MYH9: variants seen among roughly 807,000 people sequenced by gnomAD.
The protein encoded by MYH9 is myosin heavy chain 9, also known as myosin-9.
A neutral mutation model predicts 241.9 loss-of-function variants in MYH9; 29 were observed. The ratio of observed to expected loss-of-function variants is 0.12; its 90% CI spans 0.09 to 0.16. The LOEUF (loss-of-function observed/expected upper bound fraction) is 0.16. MYH9 is among the 10% of genes least tolerant of loss of function. The probability of loss-of-function intolerance (pLI) is 1.00; values close to 1 mark genes in which losing one functional copy is unlikely to be tolerated. For missense variants in MYH9, 1,803 were observed against 2,595.5 expected (o/e 0.69, Z 6.63); for synonymous variants, 1,047 against 1,062.6 (o/e 0.99, Z 0.29).
In MYH9 at chr22:36,282,795, G is replaced by A. The variant is rs727503282; in HGVS notation, c.5766-10C>T. ...CGGCAGGTCCCCGCGCCTGGGGGCA[G>A]AGGTAGAAGCAGAGGGTCAGCGGGC... On this transcript the variant is annotated splice_polypyrimidine_tract_variant and intron_variant, in intron 40 of 40. Transcript: ENST00000216181. The A allele has an allele frequency of 2.5e-6, 4 of 1,606,150 alleles. No homozygotes were observed. The highest frequency in any genetic ancestry group is 3.4e-6 in the Non-Finnish European group (4 of 1,178,662).
Position 36,316,539 on chromosome 22 carries a change from A to G in MYH9, c.1358T>C (p.Ile453Thr), listed in dbSNP as rs756091700. 6 of 1,614,116 alleles carry G rather than the reference A, an allele frequency of 3.7e-6. No individual in the cohort carries two copies. The highest frequency in any genetic ancestry group is 2.5e-6 in the Non-Finnish European group (3 of 1,180,004). ...QGASFIGILD[I>T]AGFEIFDLNS... ...CACATCAAAGATCTCGAAGCCGGCA[A>G]TGTCCAGGATCCCGATGAAGGAGGC... The change falls in exon 12 of 41, where the codon ATT becomes ACT. Residue 453 changes from isoleucine (I) to threonine (T), a missense_variant. Physicochemically the swap from Ile to Thr is moderately conservative, Grantham distance 89. This residue lies in a region of MYH9 where 222 missense variants were observed against 359.9 expected (regional missense o/e 0.62). Transcript: ENST00000216181.
intron 3 of MYH9, among the ~76,000 whole-genome samples, chr22:36,332,661 T>TA (rs67602880): frequency 0.36 from 16,195 of 44,604 alleles, 4,510 homozygotes; most frequent in Non-Finnish European, 0.46. Flanking sequence ...TCTGGATAAT[T>TA]AAAAAAAAAA....
At chr22:36,353,709 A>G (rs943102579) in intron 1 of MYH9, among the ~76,000 whole-genome samples, 9 of 152,100 alleles carry the variant, frequency 5.9e-5, no homozygotes, top group African/African-American at 2.2e-4. Context: ...AAGAAAAATA[A>G]TCCCCTAAAT....
At chr22:36,346,302 A>G (rs1448571862) in intron 2 of MYH9, among the ~76,000 whole-genome samples, 1 of 152,260 alleles carries the variant, frequency 6.6e-6, no homozygotes, top group African/African-American at 2.4e-5. Flanking sequence ...CTGATTTAGC[A>G]ATCAACAAGG....
Position 36,300,561 on chromosome 22 carries a change from C to T in MYH9, c.2838+290G>A, listed in dbSNP as rs371637945. ...GCTCCCACCCATGAAACAGGCAGGA[C>T]GCAGAGGTGCTGGCCCTGTGCCCCT... is the stretch of plus-strand genomic sequence containing the variant. On this transcript the variant is annotated intron_variant, in intron 22 of 40. Coordinates refer to ENST00000216181, the MANE Select transcript of MYH9 (RefSeq NM_002473.6). This position sits in a 1 kb window ranked among gnomAD's most constrained non-coding sequence, Gnocchi z 5.0. 2.6e-4 allele frequency among the ~76,000 whole-genome samples: 39 copies of T among 152,364 alleles called. No individual in the cohort carries two copies. In the East Asian group the frequency reaches 5.6e-3, roughly 22 times the overall value.
chr22:36,287,399 T>G (rs1487357444), intron 34 of MYH9, among the ~76,000 whole-genome samples: 1 of 152,026 alleles, frequency 6.6e-6, no homozygotes, highest in Non-Finnish European at 1.5e-5. Flanking sequence ...GCCCACAACC[T>G]TGACCACAAT....
chr22:36,287,977 G>C (rs763153399), intron 34 of MYH9, among the ~76,000 whole-genome samples: 2 of 152,208 alleles, frequency 1.3e-5, no homozygotes, highest in African/African-American at 4.8e-5. Context: ...AGACCTTCTT[G>C]AACTCCACCC....
At position 36,281,552 on chromosome 22, in the gene MYH9, T is replaced by C. The variant is rs1027995666; in HGVS notation, c.*1116A>G. On this transcript the variant is annotated 3_prime_UTR_variant, in exon 41 of 41. Coordinates refer to ENST00000216181, the MANE Select transcript of MYH9 (RefSeq NM_002473.6). ...TTGCCGTAAGTCTCAATGCAGCATA[T>C]ACAAAACAGTTAGGAATACAAGTAA... 4.8e-5 allele frequency: 11 copies of C among 228,320 alleles called. No homozygotes were observed. Among genetic ancestry groups the C allele is most frequent in the African/African-American group, 2.4e-4 (11 of 44,970 alleles). The allele number at this position is 228,320 out of a possible 1,614,324, so 14.1% of individuals were successfully genotyped here. A position where few individuals can be genotyped will look rare whatever the true frequency, so the allele number is the denominator to read the frequency against.
intron 15 of MYH9, among the ~76,000 whole-genome samples, chr22:36,308,475 T>C (rs1329592977): frequency 2.6e-5 from 4 of 151,422 alleles, no homozygotes; most frequent in African/African-American, 4.9e-5. Context: ...GGTCTCCCTA[T>C]GTTGCCCAGA....
In MYH9 at chr22:36,282,781, C is replaced by T. The variant is rs371476289; in HGVS notation, c.5770G>A (p.Gly1924Arg). The change falls in exon 41 of 41, where the codon GGG becomes AGG. Residue 1924 changes from glycine (G) to arginine (R), a missense_variant. Coordinates refer to ENST00000216181, the MANE Select transcript of MYH9 (RefSeq NM_002473.6). ...VSSLKNKLRR[G>R]DLPFVVPRRM... ...CGGGGCACGACAAACGGCAGGTCCC[C>T]GCGCCTGGGGGCAGAGGTAGAAGCA... 20 of 1,609,628 alleles carry T rather than the reference C, an allele frequency of 1.2e-5. No individual in the cohort carries two copies. Among genetic ancestry groups the T allele is most frequent in the Non-Finnish European group, 1.4e-5 (17 of 1,179,548 alleles).
At position 36,349,201 on chromosome 22, in the gene MYH9, C is replaced by G. The variant is rs1474370338; in HGVS notation, c.36G>C (p.Val12=). ...GCGGATTGTTGATGAAGTTTTTATC[C>G]ACATAGAGATACTTATCGGCAGCTT... ...AQQAADKYLY[V]DKNFINNPLA... is the part of the protein sequence containing the mutation. The change falls in exon 2 of 41, where the codon GTG becomes GTC. Residue 12 remains valine, a synonymous_variant. Transcript: ENST00000216181. 1.9e-6 allele frequency: 3 copies of G among 1,614,184 alleles called. No individual in the cohort carries two copies. Among genetic ancestry groups the G allele is most frequent in the Non-Finnish European group, 2.5e-6 (3 of 1,180,046 alleles).
rs1159051329 is a variant in MYH9 at position 36,288,053 on chromosome 22, T to C, written c.4932+199A>G. 1.3e-5 allele frequency among the ~76,000 whole-genome samples: 2 copies of C among 152,240 alleles called. No individual in the cohort carries two copies. The highest frequency in any genetic ancestry group is 2.4e-5 in the African/African-American group (1 of 41,456). Reference sequence around the variant, plus strand: ...CCCAGTCATACACCGTTTTGCAAGTTTGCTGTTGGACTATCATGTTTCCAC... The same window carrying C: ...CCCAGTCATACACCGTTTTGCAAGTCTGCTGTTGGACTATCATGTTTCCAC... On this transcript the variant is annotated intron_variant, in intron 34 of 40. Coordinates refer to ENST00000216181, the MANE Select transcript of MYH9 (RefSeq NM_002473.6). The surrounding 1 kb of genome is among the most constrained non-coding windows in gnomAD (Gnocchi z 4.8).
intron 3 of MYH9, among the ~76,000 whole-genome samples, chr22:36,331,754 GCAGCTCTCT>G (rs2017423789): frequency 6.6e-6 from 1 of 152,242 alleles, no homozygotes; most frequent in South Asian, 2.1e-4. Context: ...CCAGCATGGA[GCAGCTCTCT>G]CGGGCTCCAC....
intron 15 of MYH9, 106 bp downstream of exon 15, chr22:36,309,176 G>C: frequency 1.1e-6 from 1 of 943,582 alleles, no homozygotes; most frequent in South Asian, 1.4e-5. Context: ...GCCTATGTCA[G>C]GGGGCACATG....
chr22:36,285,473 A>C lies in MYH9; in HGVS notation c.5275-144T>G, dbSNP rs1458962039. On this transcript the variant is annotated intron_variant, in intron 37 of 40. Transcript: ENST00000216181. This position sits in a 1 kb window ranked among gnomAD's most constrained non-coding sequence, Gnocchi z 7.0. ...GTCTCCCAGAAAAGGGAAGATTAGA[A>C]ACTTCTGAACACCCAACACAGAAGC... 1 of 1,300,746 alleles carries C rather than the reference A, an allele frequency of 7.7e-7. No individual in the cohort carries two copies. The highest frequency in any genetic ancestry group is 1.1e-6 in the Non-Finnish European group (1 of 926,006). The allele number at this position is 1,300,746 out of a possible 1,614,324, so 80.6% of individuals were successfully genotyped here.
At position 36,348,857 on chromosome 22, in the gene MYH9, T is replaced by A. The variant is rs754458810; in HGVS notation, c.333+47A>T. 2.8e-5 allele frequency: 22 copies of A among 793,660 alleles called. No individual in the cohort carries two copies. In the East Asian group the frequency reaches 1.8e-3, roughly 64 times the overall value. 49.2% of individuals were successfully genotyped at this position (793,660 alleles called of 1,614,324 possible). Reference sequence around the variant, plus strand: ...GGAAGACCCGCCCCCCCCCCCCACCTCGGAGCCCTCAGACCCAGCCTGCGG... The same window carrying A: ...GGAAGACCCGCCCCCCCCCCCCACCACGGAGCCCTCAGACCCAGCCTGCGG... On this transcript the variant is annotated intron_variant, in intron 2 of 40. Transcript: ENST00000216181.
chr22:36,300,277 A>G lies in MYH9; in HGVS notation c.2839-13T>C. ...GCTCCTCAAGCTCCTGCCGGGGGCC[A>G]GAGACACGGTAAGGACAGCAGGCCC... On this transcript the variant is annotated splice_polypyrimidine_tract_variant and intron_variant, in intron 22 of 40. Transcript: ENST00000216181. This position sits in a 1 kb window ranked among gnomAD's most constrained non-coding sequence, Gnocchi z 5.0. The G allele has an allele frequency of 6.2e-7, 1 of 1,612,050 alleles. No individual in the cohort carries two copies. Among genetic ancestry groups the G allele is most frequent in the Non-Finnish European group, 8.5e-7 (1 of 1,179,986 alleles).
At chr22:36,360,558 A>C (rs2017921885) in intron 1 of MYH9, among the ~76,000 whole-genome samples, 1 of 151,790 alleles carries the variant, frequency 6.6e-6, no homozygotes, top group Admixed American at 6.6e-5. Context: ...CTAAAAATAC[A>C]AAAAATTAGC....
chr22:36,326,700 G>GC (rs1216541961), intron 4 of MYH9, 39 bp from the exon 5 acceptor site: 1 of 1,559,728 alleles, frequency 6.4e-7, no homozygotes, highest in African/African-American at 1.4e-5. Context: ...CTTAGGCATG[G>GC]CCAAGTCCTT....
Sources: allele counts gnomAD v4.1 joint callset (sites outside exome capture counted in the v4.1 genomes callset), GRCh38; gene constraint gnomAD v4.1.1; regional missense constraint gnomAD v4.1.1; non-coding constraint Gnocchi (gnomAD v3.1); transcripts MANE v1.5; gene names NCBI Gene and HGNC (gene_info 2026-07-23, HGNC 2026-07-21).